Variants in SEMA3A observed in about 807,000 individuals in gnomAD.
SEMA3A encodes semaphorin 3A, also known as semaphorin-3A.
In SEMA3A, 29 loss-of-function variants were observed where a neutral mutation model predicts 97.9. The ratio of observed to expected loss-of-function variants is 0.30; its 90% CI spans 0.22 to 0.40. The LOEUF (loss-of-function observed/expected upper bound fraction) is 0.40, where lower values mean the gene tolerates loss of function less well. SEMA3A is among the 10% of genes least tolerant of loss of function. SEMA3A has a pLI of 1.00. For missense variants in SEMA3A, 763 were observed against 951.3 expected, an observed-to-expected ratio of 0.80 and a Z score of 2.60; for synonymous variants, 321 against 323.7, an observed-to-expected ratio of 0.99 and a Z score of 0.09.
At chr7:84,436,741 G>GT (rs1406010217) in intron 1 of SEMA3A, among the ~76,000 whole-genome samples, 8 of 152,052 alleles carry the variant, frequency 5.3e-5, no homozygotes, top group Non-Finnish European at 1.0e-4. Flanking sequence ...TGTTTTGGTG[G>GT]TAAGTCTGAA....
chr7:84,289,969 T>C (rs550912567), intron 3 of SEMA3A, among the ~76,000 whole-genome samples: 1 of 152,214 alleles, frequency 6.6e-6, no homozygotes, highest in South Asian at 2.1e-4. Flanking sequence ...CATGCTAAAA[T>C]TGAATGAACT....
intron 1 of SEMA3A, among the ~76,000 whole-genome samples, chr7:84,163,762 T>C (rs1797117960): frequency 6.6e-6 from 1 of 152,174 alleles, no homozygotes; most frequent in South Asian, 2.1e-4. Flanking sequence ...TAAGTCATTT[T>C]TTTTCCATTG....
chr7:84,002,894 T>G (rs1790519107), intron 11 of SEMA3A, among the ~76,000 whole-genome samples: 1 of 152,118 alleles, frequency 6.6e-6, no homozygotes, highest in Non-Finnish European at 1.5e-5. Flanking sequence ...TACTCTAAGT[T>G]GGGCTTAAAA....
rs1457124449 is a variant in SEMA3A at position 84,099,197 on chromosome 7, A to AT, written c.453+11272_453+11273insA. Among the ~76,000 whole-genome samples, 5 of 108,388 alleles carry AT rather than the reference A, an allele frequency of 4.6e-5. 2 individuals are homozygous for AT. The highest frequency in any genetic ancestry group is 1.1e-4 in the Non-Finnish European group (5 of 45,708). The allele number at this position is 108,388 out of a possible 152,430, so 71.1% of individuals were successfully genotyped here. A position where few individuals can be genotyped will look rare whatever the true frequency, so the allele number is the denominator to read the frequency against. On this transcript the variant is annotated intron_variant, in intron 4 of 16. Coordinates refer to ENST00000265362, the MANE Select transcript of SEMA3A (RefSeq NM_006080.3). ...GCCATTCTCCTGCCTCAGCCTCCCG[A>AT]GTAGCTGGGACTACAGGCGCCCGCT...
intron 4 of SEMA3A, among the ~76,000 whole-genome samples, chr7:84,098,771 A>T (rs1237964054): frequency 6.6e-6 from 1 of 152,130 alleles, no homozygotes; most frequent in Admixed American, 6.6e-5. Flanking sequence ...TATTGATGCC[A>T]TTAGAAAGGC....
intron 1 of SEMA3A, among the ~76,000 whole-genome samples, chr7:84,150,333 T>C (rs1584041005): frequency 6.6e-6 from 1 of 152,120 alleles, no homozygotes; most frequent in South Asian, 2.1e-4. Context: ...AGGTACCGGG[T>C]TCATCTCACT....
At chr7:84,005,738 A>T (rs983754854) in intron 10 of SEMA3A, among the ~76,000 whole-genome samples, 180 bp from the exon 11 acceptor site, 1 of 152,130 alleles carries the variant, frequency 6.6e-6, no homozygotes, top group African/African-American at 2.4e-5. Context: ...ACTTGAGGCC[A>T]GGAGTTGCAG....
At chr7:83,980,605 A>AAAAAAAAAAAAAACAAAAC (rs1267149205) in intron 14 of SEMA3A, among the ~76,000 whole-genome samples, 1 of 47,544 alleles carries the variant, frequency 2.1e-5, no homozygotes, top group African/African-American at 7.5e-5. Context: ...CTCCATCTCA[A>AAAAAAAAAAAAAACAAAAC]AAAAAAAAAA....
At chr7:84,263,045 G>A (rs931072091) in intron 3 of SEMA3A, among the ~76,000 whole-genome samples, 3 of 152,172 alleles carry the variant, frequency 2.0e-5, no homozygotes, top group African/African-American at 7.2e-5. Context: ...CTTCTTAAAT[G>A]TGACATAATT....
intron 3 of SEMA3A, among the ~76,000 whole-genome samples, chr7:84,250,243 G>T (rs1465291633): frequency 1.3e-5 from 2 of 150,410 alleles, no homozygotes; most frequent in Non-Finnish European, 3.0e-5. Flanking sequence ...TTACATTTTG[G>T]TTACATTAAT....
intron 1 of SEMA3A, among the ~76,000 whole-genome samples, chr7:84,444,592 G>C (rs1240892968): frequency 1.4e-5 from 2 of 141,956 alleles, no homozygotes; most frequent in Admixed American, 1.5e-4. Context: ...GACGGAGTCT[G>C]GCTCTGTCTC....
At chr7:84,068,861 T>C (rs2527031) in intron 4 of SEMA3A, among the ~76,000 whole-genome samples, 29,636 of 152,002 alleles carry the variant, frequency 0.19, 2,906 homozygotes, top group South Asian at 0.26. Context: ...CTATCCTTCG[T>C]CATGGTGTCA....
At chr7:84,079,670 T>C (rs1398716916) in intron 4 of SEMA3A, among the ~76,000 whole-genome samples, 1 of 137,692 alleles carries the variant, frequency 7.3e-6, no homozygotes, top group Admixed American at 7.3e-5. Context: ...CTCACACCAG[T>C]TAGAATGGCA....
At chr7:84,444,543 G>A (rs926206152) in intron 1 of SEMA3A, among the ~76,000 whole-genome samples, 2 of 151,068 alleles carry the variant, frequency 1.3e-5, no homozygotes, top group Non-Finnish European at 3.0e-5. Flanking sequence ...CATGCTTACA[G>A]TGATTTTCTT....
At chr7:84,471,438 A>G (rs778383115) in intron 1 of SEMA3A, among the ~76,000 whole-genome samples, 3 of 152,132 alleles carry the variant, frequency 2.0e-5, no homozygotes, top group Non-Finnish European at 2.9e-5. Context: ...TCAGTGCAAG[A>G]TTTTTAATGA....
chr7:84,245,378 A>C (rs765265589), intron 3 of SEMA3A, among the ~76,000 whole-genome samples: 1 of 151,706 alleles, frequency 6.6e-6, no homozygotes, highest in Non-Finnish European at 1.5e-5. Flanking sequence ...TACTTGATCA[A>C]TTTGGCTATT....
At chr7:84,180,977 T>C (rs1797719262) in intron 1 of SEMA3A, among the ~76,000 whole-genome samples, 1 of 152,100 alleles carries the variant, frequency 6.6e-6, no homozygotes, top group African/African-American at 2.4e-5. Context: ...ATAAGCAAAA[T>C]TTTATTTCTA....
At chr7:84,015,721 C>T (rs4728547) in intron 6 of SEMA3A, among the ~76,000 whole-genome samples, 38,706 of 152,026 alleles carry the variant, frequency 0.25, 5,780 homozygotes, top group East Asian at 0.42. Flanking sequence ...TAGTCCTGAT[C>T]TTTACACCTG....
At chr7:84,485,216 T>G (rs1421279604) in intron 1 of SEMA3A, among the ~76,000 whole-genome samples, 3 of 152,164 alleles carry the variant, frequency 2.0e-5, no homozygotes, top group Admixed American at 2.0e-4. Context: ...AAACTAACAG[T>G]ACTCAAATTT....
Sources: gnomAD v4.1 joint callset for allele counts (sites outside exome capture counted in the v4.1 genomes callset) on GRCh38, gnomAD v4.1.1 for gene constraint, MANE v1.5 for transcripts, NCBI Gene and HGNC (gene_info 2026-07-23, HGNC 2026-07-21) for gene names.